The following PLCL2 variants were observed in gnomAD, a reference collection of about 807,000 sequenced individuals.
PLCL2 encodes the protein phospholipase C like 2.
A neutral mutation model predicts 79.6 loss-of-function variants in PLCL2; 4 were observed. The ratio of observed to expected loss-of-function variants is 0.05; its 90% CI spans 0.02 to 0.11. PLCL2 has a LOEUF of 0.11. PLCL2 is among the 10% of genes least tolerant of loss of function. The pLI, the probability that PLCL2 is intolerant of heterozygous loss-of-function variation, is 1.00. For missense variants in PLCL2, 895 were observed against 1,291.0 expected (o/e 0.69, Z 4.70); for synonymous variants, 484 against 457.7 (o/e 1.06, Z -0.73).
intron 1 of PLCL2, among the ~76,000 whole-genome samples, chr3:17,001,795 C>T (rs895388205): frequency 1.3e-5 from 2 of 151,516 alleles, no homozygotes; most frequent in African/African-American, 4.8e-5. Context: ...ATGATGATGC[C>T]TCCAGCTTTG....
chr3:17,016,378 A>G (rs1287387672), intron 3 of PLCL2, among the ~76,000 whole-genome samples: 1 of 152,214 alleles, frequency 6.6e-6, no homozygotes, highest in Non-Finnish European at 1.5e-5. Flanking sequence ...TTTCCTTCTT[A>G]GCATTCATGG....
At chr3:17,079,227 G>A (rs1360558497) in intron 5 of PLCL2, among the ~76,000 whole-genome samples, 1 of 151,960 alleles carries the variant, frequency 6.6e-6, no homozygotes, top group Non-Finnish European at 1.5e-5. Context: ...TACACAGCTG[G>A]GCCACCCTCC....
At chr3:16,903,579 CA>C (rs1696679362) in intron 1 of PLCL2, among the ~76,000 whole-genome samples, 1 of 152,188 alleles carries the variant, frequency 6.6e-6, no homozygotes, top group South Asian at 2.1e-4. Context: ...GCTGGTTTTA[CA>C]GCAAGGTTCT....
intron 3 of PLCL2, 94 bp downstream of exon 3, chr3:17,015,005 C>G (rs1383195164): frequency 1.0e-6 from 1 of 958,008 alleles, no homozygotes; most frequent in Non-Finnish European, 1.6e-6. Flanking sequence ...CTGAAGTGCA[C>G]TTTCCTATTT....
At chr3:16,889,945 CAG>C (rs970818498) in intron 1 of PLCL2, among the ~76,000 whole-genome samples, 4 of 152,126 alleles carry the variant, frequency 2.6e-5, no homozygotes, top group African/African-American at 9.7e-5. Context: ...AATAATTAAA[CAG>C]ACAGTAGCTG....
At chr3:17,027,912 A>G (rs1283393383) in intron 3 of PLCL2, among the ~76,000 whole-genome samples, 1 of 152,248 alleles carries the variant, frequency 6.6e-6, no homozygotes, top group African/African-American at 2.4e-5. Context: ...AGCGCCCGTG[A>G]GGCAAGCATG....
At chr3:16,987,870 A>G (rs1176981049) in intron 1 of PLCL2, among the ~76,000 whole-genome samples, 1 of 152,230 alleles carries the variant, frequency 6.6e-6, no homozygotes, top group Non-Finnish European at 1.5e-5. Context: ...AACTTTCAAT[A>G]GATGGAAAAT....
At chr3:16,955,168 T>C (rs2063692466) in intron 1 of PLCL2, among the ~76,000 whole-genome samples, 1 of 152,230 alleles carries the variant, frequency 6.6e-6, no homozygotes, top group East Asian at 1.9e-4. Flanking sequence ...AGGTCTAACA[T>C]GTAAGTCTTT....
chr3:17,060,618 A>G (rs1362009247), intron 4 of PLCL2, among the ~76,000 whole-genome samples: 5 of 152,230 alleles, frequency 3.3e-5, no homozygotes, highest in African/African-American at 1.2e-4. Flanking sequence ...AACAGGTACT[A>G]TATATAAATT....
intron 1 of PLCL2, among the ~76,000 whole-genome samples, chr3:16,980,006 C>T (rs566848191): frequency 7.6e-4 from 112 of 147,538 alleles, no homozygotes; most frequent in African/African-American, 2.5e-3. Context: ...GGCAGCTGGC[C>T]GGGCAGAGGG....
chr3:17,019,490 A>C (rs1053177589), intron 3 of PLCL2, among the ~76,000 whole-genome samples: 1 of 152,200 alleles, frequency 6.6e-6, no homozygotes, highest in Non-Finnish European at 1.5e-5. Flanking sequence ...TCTGCAATCC[A>C]GATCAGAAAA....
chr3:17,041,940 C>G (rs937659518), intron 3 of PLCL2, among the ~76,000 whole-genome samples: 1 of 151,188 alleles, frequency 6.6e-6, no homozygotes, highest in Non-Finnish European at 1.5e-5. Flanking sequence ...CAGACCGTGT[C>G]TCTTAAAAAA....
intron 3 of PLCL2, among the ~76,000 whole-genome samples, chr3:17,022,272 A>G (rs2064463881): frequency 6.6e-6 from 1 of 152,206 alleles, no homozygotes; most frequent in Non-Finnish European, 1.5e-5. Context: ...AAACTAAGAT[A>G]TTCGAAGTAC....
chr3:17,056,262 A>G (rs73151352), intron 4 of PLCL2, among the ~76,000 whole-genome samples: 20,730 of 152,174 alleles, frequency 0.14, 1,671 homozygotes, highest in African/African-American at 0.22. Context: ...CAATTCAAGT[A>G]AAGTCCACAG....
intron 4 of PLCL2, among the ~76,000 whole-genome samples, chr3:17,050,403 G>A (rs2064827616): frequency 6.6e-6 from 1 of 151,900 alleles, no homozygotes; most frequent in African/African-American, 2.4e-5. Flanking sequence ...ATGGGACAAG[G>A]AATTAATAAC....
At chr3:16,970,824 A>AT (rs1216048049) in intron 1 of PLCL2, among the ~76,000 whole-genome samples, 1 of 148,214 alleles carries the variant, frequency 6.7e-6, no homozygotes, top group African/African-American at 2.5e-5. Context: ...GATGGTGAGC[A>AT]TTTTTTCATG....
At chr3:16,958,897 G>A (rs530539065) in intron 1 of PLCL2, among the ~76,000 whole-genome samples, 3 of 152,190 alleles carry the variant, frequency 2.0e-5, no homozygotes, top group Non-Finnish European at 4.4e-5. Flanking sequence ...TCCTATGACT[G>A]TTGTAGACCT....
At chr3:16,918,218 C>T (rs1276868011) in intron 1 of PLCL2, among the ~76,000 whole-genome samples, 4 of 152,146 alleles carry the variant, frequency 2.6e-5, no homozygotes, top group African/African-American at 9.7e-5. Context: ...ACTTTACAGT[C>T]AGCAAGGCAT....
intron 1 of PLCL2, among the ~76,000 whole-genome samples, chr3:16,932,726 G>A (rs543275534): frequency 5.3e-5 from 8 of 152,212 alleles, no homozygotes; most frequent in African/African-American, 1.4e-4. Context: ...TCCCTTGAAC[G>A]TATCTTTTAG....
Sources: gnomAD v4.1 joint callset for allele counts (sites outside exome capture counted in the v4.1 genomes callset) on GRCh38, gnomAD v4.1.1 for gene constraint, MANE v1.5 for transcripts, NCBI Gene and HGNC (gene_info 2026-07-23, HGNC 2026-07-21) for gene names.